KPNB1: variants seen among roughly 807,000 people sequenced by gnomAD.
KPNB1 encodes the protein karyopherin subunit beta 1.
In KPNB1, 7 loss-of-function variants were observed where a neutral mutation model predicts 113.0. The observed-to-expected ratio is 0.06, with a 90% CI of 0.04 to 0.12. The LOEUF (loss-of-function observed/expected upper bound fraction) is 0.12, where lower values mean the gene tolerates loss of function less well. KPNB1 is among the 10% of genes least tolerant of loss of function. KPNB1 has a pLI of 1.00. For missense variants in KPNB1, 400 were observed against 1,054.8 expected, an observed-to-expected ratio of 0.38 and a Z score of 8.60; for synonymous variants, 363 against 378.6, an observed-to-expected ratio of 0.96 and a Z score of 0.48.
intron 2 of KPNB1, chr17:47,651,366 C>T (rs981684009): frequency 1.0e-6 from 1 of 984,946 alleles, no homozygotes; most frequent in South Asian, 4.7e-5. Flanking sequence ...TGCTTGACAT[C>T]TTTGAGAAAG....
intron 3 of KPNB1, among the ~76,000 whole-genome samples, chr17:47,655,486 G>A (rs1232159646): frequency 1.3e-5 from 2 of 152,174 alleles, no homozygotes; most frequent in Non-Finnish European, 1.5e-5. Flanking sequence ...CATCAGCAAC[G>A]TTGTTTTTGT....
In KPNB1 at chr17:47,656,921, G is replaced by T; in HGVS notation, c.344G>T (p.Gly115Val). ...AGTTCTGCCTCACAGTGTGTGGCTGGTATTGCTTGTGCAGAGATCCCAGTA... is the reference window on the plus strand; with the variant it reads ...AGTTCTGCCTCACAGTGTGTGGCTGTTATTGCTTGTGCAGAGATCCCAGTA... ...RPSSASQCVA[G>V]IACAEIPVNQ... The change falls in exon 4 of 22, where the codon GGT becomes GTT. Residue 115 changes from glycine (G) to valine (V), a missense_variant. Around this residue, in one of 2 missense-constraint regions of KPNB1, gnomAD observed 285 missense variants for 627.0 expected, o/e 0.45. Transcript: ENST00000290158. 1 of 1,614,132 alleles carries T rather than the reference G, an allele frequency of 6.2e-7. No individual in the cohort carries two copies. The highest frequency in any genetic ancestry group is 8.5e-7 in the Non-Finnish European group (1 of 1,180,024).
chr17:47,651,430 A>G (rs1415728572), intron 2 of KPNB1: 1 of 783,618 alleles, frequency 1.3e-6, no homozygotes, highest in East Asian at 1.3e-4. Flanking sequence ...TTTGTGTTAT[A>G]TAGGCAAAAT....
intron 3 of KPNB1, among the ~76,000 whole-genome samples, chr17:47,656,315 T>C (rs1382794231): frequency 1.3e-5 from 2 of 151,944 alleles, no homozygotes; most frequent in Non-Finnish European, 2.9e-5. Context: ...ACACCTGTAA[T>C]CCTAGCACTT....
intron 2 of KPNB1, among the ~76,000 whole-genome samples, chr17:47,650,677 C>T (rs1915531947): frequency 6.6e-6 from 1 of 152,190 alleles, no homozygotes; most frequent in South Asian, 2.1e-4. Context: ...GCCGAGCTGC[C>T]TGCCGCCCAA....
Position 47,650,574 on chromosome 17 carries a change from TC to T in KPNB1, c.99+138del, listed in dbSNP as rs1333201997. ...ATCCCGTCCCCCTCCCCCCTCCCCC[TC>T]CCCCCCCAACCCGGTCCAACCTAAC... On this transcript the variant is annotated intron_variant, in intron 2 of 21. Coordinates refer to ENST00000290158, the MANE Select transcript of KPNB1 (RefSeq NM_002265.6). 1,066 of 503,038 alleles carry T rather than the reference TC, an allele frequency of 2.1e-3. 6 individuals are homozygous for T. Among genetic ancestry groups the T allele is most frequent in the African/African-American group, 6.5e-3 (157 of 24,186 alleles). 31.2% of individuals were successfully genotyped at this position (503,038 alleles called of 1,614,324 possible).
chr17:47,673,237 A>G (rs1449101617), intron 13 of KPNB1, 72 bp downstream of exon 13: 1 of 1,406,528 alleles, frequency 7.1e-7, no homozygotes, highest in East Asian at 2.3e-5. Flanking sequence ...TCTGTTTTCC[A>G]GACTGTTCTG....
intron 11 of KPNB1, 139 bp downstream of exon 11, chr17:47,670,008 G>A (rs1431595259): frequency 3.0e-6 from 2 of 671,074 alleles, no homozygotes; most frequent in Non-Finnish European, 5.1e-6. Flanking sequence ...ATTAAAATGT[G>A]GGGGAGATTC....
chr17:47,680,691 C>T (rs1485158489), intron 21 of KPNB1, 22 bp downstream of exon 21: 3 of 1,607,546 alleles, frequency 1.9e-6, no homozygotes, highest in Non-Finnish European at 2.6e-6. Context: ...CCTCCACTGT[C>T]CTCTTTCTTC....
chr17:47,675,361 G>GTGTTTTTTTTTTTTTTTTTTTTT (rs2030566872), intron 15 of KPNB1, among the ~76,000 whole-genome samples: 1 of 88,692 alleles, frequency 1.1e-5, no homozygotes, highest in Non-Finnish European at 2.3e-5. Flanking sequence ...CAGAGGTGTT[G>GTGTTTTTTTTTTTTTTTTTTTTT]TTTTTTTTTT....
chr17:47,650,424 C>T lies in KPNB1; in HGVS notation c.79C>T (p.Arg27Cys). 3 of 1,607,668 alleles carry T rather than the reference C, an allele frequency of 1.9e-6. No individual in the cohort carries two copies. The highest frequency in any genetic ancestry group is 2.2e-5 in the East Asian group (1 of 44,556). The change falls in exon 2 of 22, where the codon CGT becomes TGT. Residue 27 changes from arginine (R) to cysteine (C), a missense_variant. Physicochemically the swap from Arg to Cys is radical, Grantham distance 180. Transcript: ENST00000290158. Reference protein sequence around the residue: ...ELEAAQKFLERAAVENLPTFL... With the variant: ...ELEAAQKFLECAAVENLPTFL... ...GGAAGCGGCGCAGAAGTTCCTGGAG[C>T]GTGCGGCCGTGGAGAACCTGGTGCG...
intron 21 of KPNB1, 125 bp downstream of exon 21, chr17:47,680,794 G>C: frequency 1.1e-6 from 1 of 949,514 alleles, no homozygotes; most frequent in Non-Finnish European, 1.5e-6. Flanking sequence ...TTCCCATGTA[G>C]GTGCTTCTGA....
At chr17:47,680,179 G>A in intron 20 of KPNB1, 45 bp downstream of exon 20, 2 of 1,297,490 alleles carry the variant, frequency 1.5e-6, no homozygotes, top group South Asian at 1.2e-5. Context: ...ACTTCTCACA[G>A]AAAATGAGAA....
In KPNB1 at chr17:47,673,473, T is replaced by C; in HGVS notation, c.1696-17T>C. 1 of 1,601,158 alleles carries C rather than the reference T, an allele frequency of 6.2e-7. No homozygotes were observed. Among genetic ancestry groups the C allele is most frequent in the Non-Finnish European group, 8.6e-7 (1 of 1,168,270 alleles). On this transcript the variant is annotated splice_polypyrimidine_tract_variant and intron_variant, in intron 13 of 21. Coordinates refer to ENST00000290158, the MANE Select transcript of KPNB1 (RefSeq NM_002265.6). Reference sequence around the variant, plus strand: ...GAAGGTTTTCATGTAGAGTATGTTTTCTTATTTTCTTTGTAGTCACATATC... The same window carrying C: ...GAAGGTTTTCATGTAGAGTATGTTTCCTTATTTTCTTTGTAGTCACATATC...
At chr17:47,680,231 A>T (rs999819182) in intron 20 of KPNB1, 97 bp downstream of exon 20, 17 of 923,494 alleles carry the variant, frequency 1.8e-5, no homozygotes, top group Non-Finnish European at 3.0e-5. Flanking sequence ...GGATGGCAAC[A>T]GTTCACTTTT....
intron 3 of KPNB1, 34 bp downstream of exon 3, chr17:47,652,910 C>A: frequency 2.0e-6 from 3 of 1,480,122 alleles, no homozygotes; most frequent in South Asian, 1.4e-5. Context: ...TTATATTGCC[C>A]AGAGAACAAG....
At position 47,650,574 on chromosome 17, in the gene KPNB1, T is replaced by TCC. The variant is rs1333201997; in HGVS notation, c.99+137_99+138dup. The TCC allele has an allele frequency of 2.4e-5, 12 of 503,290 alleles. 1 individual carries two copies. Among genetic ancestry groups the TCC allele is most frequent in the African/African-American group, 1.7e-4 (4 of 24,162 alleles). 31.2% of individuals were successfully genotyped at this position (503,290 alleles called of 1,614,324 possible). On this transcript the variant is annotated intron_variant, in intron 2 of 21. Coordinates refer to ENST00000290158, the MANE Select transcript of KPNB1 (RefSeq NM_002265.6). ...ATCCCGTCCCCCTCCCCCCTCCCCCTCCCCCCCCAACCCGGTCCAACCTAA... is the reference window on the plus strand; with the variant it reads ...ATCCCGTCCCCCTCCCCCCTCCCCCTCCCCCCCCCCAACCCGGTCCAACCTAA...
intron 12 of KPNB1, among the ~76,000 whole-genome samples, 164 bp downstream of exon 12, chr17:47,670,996 C>G (rs964336263): frequency 6.6e-6 from 1 of 152,242 alleles, no homozygotes; most frequent in Non-Finnish European, 1.5e-5. Context: ...TGGCTCACGC[C>G]TATATTCCCA....
intron 9 of KPNB1, among the ~76,000 whole-genome samples, chr17:47,666,429 ATATATAT>A (rs2030274906): frequency 7.4e-6 from 1 of 135,376 alleles, no homozygotes; most frequent in Non-Finnish European, 1.6e-5. Flanking sequence ...TGTATTTTAT[ATATATAT>A]TATATATTTT....
Sources: allele counts gnomAD v4.1 joint callset (sites outside exome capture counted in the v4.1 genomes callset), GRCh38; gene constraint gnomAD v4.1.1; regional missense constraint gnomAD v4.1.1; transcripts MANE v1.5; gene names NCBI Gene and HGNC (gene_info 2026-07-23, HGNC 2026-07-21).